Variants in MGAT5 observed in about 807,000 individuals in gnomAD.
MGAT5 encodes alpha-1,6-mannosylglycoprotein 6-beta-N-acetylglucosaminyltransferase A.
Under a neutral mutation model 94.3 loss-of-function variants are expected in MGAT5, and 30 were observed. That is an observed-to-expected ratio of 0.32 (90% confidence interval 0.24 to 0.43). The LOEUF (loss-of-function observed/expected upper bound fraction) is 0.43, where lower values mean the gene tolerates loss of function less well. Ranked by LOEUF, MGAT5 falls within the 20% of genes least tolerant of loss-of-function variation. MGAT5 has a pLI of 1.00. For missense variants in MGAT5, 691 were observed against 905.5 expected (o/e 0.76, Z 3.04); for synonymous variants, 310 against 322.9 (o/e 0.96, Z 0.43).
intron 1 of MGAT5, among the ~76,000 whole-genome samples, chr2:134,189,602 G>GTTGTTTTTTT (rs1689232395): frequency 1.7e-4 from 14 of 84,668 alleles, no homozygotes; most frequent in African/African-American, 6.7e-4. Context: ...GTTTTTTTTT[G>GTTGTTTTTTT]TTTTTTTTTT....
intron 9 of MGAT5, among the ~76,000 whole-genome samples, chr2:134,359,596 G>C (rs1237254968): frequency 1.3e-5 from 2 of 152,184 alleles, no homozygotes; most frequent in Non-Finnish European, 2.9e-5. Flanking sequence ...AGGATTTCCT[G>C]CATCCCGTTT....
chr2:134,232,037 C>T (rs1242722861), intron 1 of MGAT5, among the ~76,000 whole-genome samples: 1 of 152,146 alleles, frequency 6.6e-6, no homozygotes, highest in Admixed American at 6.5e-5. Context: ...TGACATGTCA[C>T]CTTTTCCTCA....
intron 10 of MGAT5, among the ~76,000 whole-genome samples, chr2:134,391,163 A>T (rs1404900903): frequency 6.6e-6 from 1 of 152,114 alleles, no homozygotes; most frequent in Non-Finnish European, 1.5e-5. Flanking sequence ...TTAGGGCTCC[A>T]TTGGCTGGGG....
At chr2:134,151,992 C>T (rs1348850504) in intron 1 of MGAT5, among the ~76,000 whole-genome samples, 4 of 143,208 alleles carry the variant, frequency 2.8e-5, no homozygotes, top group Non-Finnish European at 6.1e-5. Flanking sequence ...TGCCATGAGA[C>T]CTCACTCACT....
chr2:134,283,643 A>ACC (rs1684832097), intron 2 of MGAT5, among the ~76,000 whole-genome samples: 2 of 83,900 alleles, frequency 2.4e-5, no homozygotes, highest in East Asian at 1.0e-3. Flanking sequence ...GGAATGTAGT[A>ACC]TCTTTTTTTT....
intron 10 of MGAT5, among the ~76,000 whole-genome samples, chr2:134,393,008 A>G (rs1186048186): frequency 6.6e-5 from 10 of 152,212 alleles, no homozygotes; most frequent in Admixed American, 5.9e-4. Flanking sequence ...GCTCTTTCAG[A>G]TGCATGAGCC....
chr2:134,228,837 T>C (rs933268942), intron 1 of MGAT5, among the ~76,000 whole-genome samples: 5 of 152,204 alleles, frequency 3.3e-5, no homozygotes, highest in African/African-American at 1.2e-4. Context: ...ACAGTGACTT[T>C]TCTGCCATCT....
intron 6 of MGAT5, 64 bp from the exon 7 acceptor site, chr2:134,341,526 G>A: frequency 2.2e-6 from 3 of 1,343,444 alleles, no homozygotes; most frequent in Non-Finnish European, 3.0e-6. Context: ...TCATTTCTTG[G>A]CGCATTACTG....
At chr2:134,223,346 A>G (rs1680887103) in intron 1 of MGAT5, among the ~76,000 whole-genome samples, 1 of 152,238 alleles carries the variant, frequency 6.6e-6, no homozygotes, top group South Asian at 2.1e-4. Context: ...TTTTAGCAAC[A>G]GAGCATTAGC....
rs779390816 is a variant in MGAT5 at position 134,428,345 on chromosome 2, A to G, written c.1795-20A>G. On this transcript the variant is annotated intron_variant, in intron 13 of 15. Coordinates refer to ENST00000281923, the MANE Select transcript of MGAT5 (RefSeq NM_002410.5). The stretch of plus-strand genomic sequence containing the variant: ...GTTCTCTGTCCTTCTCCTTCATGGT[A>G]TCATGCTCTGTTTCCACAGATTGAG... The G allele has an allele frequency of 1.9e-6, 3 of 1,610,936 alleles. No individual in the cohort carries two copies. The highest frequency in any genetic ancestry group is 1.7e-6 in the Non-Finnish European group (2 of 1,177,340).
At position 134,344,925 on chromosome 2, in the gene MGAT5, T is replaced by G; in HGVS notation, c.978-5T>G. ...TTTCTCCCCTCTCTTTTGCCGTTTCTCTAGAATCATGAAGAAGGTTGTAGG... is the reference window on the plus strand; with the variant it reads ...TTTCTCCCCTCTCTTTTGCCGTTTCGCTAGAATCATGAAGAAGGTTGTAGG... On this transcript the variant is annotated splice_region_variant and splice_polypyrimidine_tract_variant and intron_variant, in intron 7 of 15. Coordinates refer to ENST00000281923, the MANE Select transcript of MGAT5 (RefSeq NM_002410.5). 1 of 1,612,712 alleles carries G rather than the reference T, an allele frequency of 6.2e-7. No homozygotes were observed. Among genetic ancestry groups the G allele is most frequent in the Non-Finnish European group, 8.5e-7 (1 of 1,179,250 alleles).
At chr2:134,341,274 T>C (rs1474426655) in intron 6 of MGAT5, among the ~76,000 whole-genome samples, 2 of 152,164 alleles carry the variant, frequency 1.3e-5, no homozygotes, top group African/African-American at 4.8e-5. Context: ...AGACCAATAG[T>C]GTTAGAAAAT....
Position 134,404,001 on chromosome 2 carries a change from G to A in MGAT5, c.1530+864G>A, listed in dbSNP as rs75089091. ...GCCATGGAAGTACCAAATGAAGTTCGGGAACTTGTGAAGAAACCAGAGTTT... is the reference window on the plus strand; with the variant it reads ...GCCATGGAAGTACCAAATGAAGTTCAGGAACTTGTGAAGAAACCAGAGTTT... On this transcript the variant is annotated intron_variant, in intron 11 of 15. Coordinates refer to ENST00000281923, the MANE Select transcript of MGAT5 (RefSeq NM_002410.5). 1.8e-3 allele frequency among the ~76,000 whole-genome samples: 275 copies of A among 152,310 alleles called. 3 individuals are homozygous for A. Among genetic ancestry groups the A allele is most frequent in the East Asian group, 7.5e-3 (39 of 5,184 alleles).
chr2:134,315,796 G>A (rs1276988107), intron 2 of MGAT5, among the ~76,000 whole-genome samples: 1 of 152,154 alleles, frequency 6.6e-6, no homozygotes, highest in Non-Finnish European at 1.5e-5. Context: ...ATTTTAACTA[G>A]TAAGAGACCC....
chr2:134,381,173 G>A (rs1465633505), intron 10 of MGAT5, among the ~76,000 whole-genome samples: 3 of 152,102 alleles, frequency 2.0e-5, no homozygotes, highest in African/African-American at 7.2e-5. Context: ...TTATAGCTGG[G>A]TATGGTGGTG....
chr2:134,403,697 G>A (rs1292245021), intron 11 of MGAT5, among the ~76,000 whole-genome samples: 1 of 152,238 alleles, frequency 6.6e-6, no homozygotes, highest in Non-Finnish European at 1.5e-5. Flanking sequence ...ATGTGGGCCA[G>A]ACAGGAGTTA....
At position 134,156,949 on chromosome 2, in the gene MGAT5, A is replaced by G. The variant is rs562099114; in HGVS notation, c.-143+36658A>G. On this transcript the variant is annotated intron_variant, in intron 1 of 16. Transcript: ENST00000409645. ...GCTTCTTGTCAGGGTTTCTCGTTCT[A>G]TAAATTGGGAATGATGATATCTAGG... is the stretch of plus-strand genomic sequence containing the variant. Among the ~76,000 whole-genome samples the G allele has an allele frequency of 4.7e-4, 71 of 152,276 alleles. 1 individual carries two copies. Among genetic ancestry groups the G allele is most frequent in the African/African-American group, 1.6e-3 (68 of 41,552 alleles).
chr2:134,204,814 T>C (rs1181027068), intron 1 of MGAT5, among the ~76,000 whole-genome samples: 1 of 152,214 alleles, frequency 6.6e-6, no homozygotes, highest in Non-Finnish European at 1.5e-5. Context: ...GCATATAGTT[T>C]GCTGGAGGGG....
At chr2:134,335,997 A>G (rs1211916284) in intron 4 of MGAT5, among the ~76,000 whole-genome samples, 3 of 152,180 alleles carry the variant, frequency 2.0e-5, no homozygotes, top group Admixed American at 6.6e-5. Flanking sequence ...ACAGATGTAA[A>G]GTATAATCTC....
Sources: allele counts gnomAD v4.1 joint callset (sites outside exome capture counted in the v4.1 genomes callset), GRCh38; gene constraint gnomAD v4.1.1; transcripts MANE v1.5; gene names NCBI Gene and HGNC (gene_info 2026-07-23, HGNC 2026-07-21).